MTHFSD: variants seen among roughly 807,000 people sequenced by gnomAD.
MTHFSD encodes methenyltetrahydrofolate synthetase domain containing.
A neutral mutation model predicts 31.1 loss-of-function variants in MTHFSD; 37 were observed. The observed-to-expected ratio is 1.19, with a 90% CI of 0.91 to 1.56. MTHFSD has a LOEUF of 1.56. MTHFSD is among the 40% of genes most tolerant of loss of function. The probability of loss-of-function intolerance (pLI) is 0.00; values close to 1 mark genes in which losing one functional copy is unlikely to be tolerated. For missense variants in MTHFSD, 664 were observed against 510.1 expected (o/e 1.30, Z -2.91); for synonymous variants, 221 against 206.9 (o/e 1.07, Z -0.59).
rs149786522 is a variant in MTHFSD, at chr16:86,546,789, C to T, written c.352-140G>A. The T allele has an allele frequency of 7.8e-4, 547 of 703,574 alleles. 4 individuals are homozygous for T. The highest frequency in any genetic ancestry group is 5.4e-3 in the East Asian group (198 of 36,370). The allele number at this position is 703,574 out of a possible 1,614,324, so 43.6% of individuals were successfully genotyped here. A position where few individuals can be genotyped will look rare whatever the true frequency, so the allele number is the denominator to read the frequency against. The stretch of plus-strand genomic sequence containing the variant: ...GGCACACGCAACACCGGAGATGTGG[C>T]GTTTCAGGAGAAGCCGCATTCCAGA... On this transcript the variant is annotated intron_variant, in intron 4 of 7. Coordinates refer to ENST00000360900, the MANE Select transcript of MTHFSD (RefSeq NM_001159377.2).
intron 3 of MTHFSD, among the ~76,000 whole-genome samples, chr16:86,550,599 G>C (rs77406162): frequency 3.9e-5 from 6 of 152,216 alleles, no homozygotes; most frequent in Non-Finnish European, 8.8e-5. Flanking sequence ...TCACAGAGGA[G>C]CAGAGATGGC....
intron 4 of MTHFSD, among the ~76,000 whole-genome samples, chr16:86,547,810 A>T (rs1972550264): frequency 6.6e-6 from 1 of 152,236 alleles, no homozygotes; most frequent in South Asian, 2.1e-4. Context: ...CCCATAAAAA[A>T]GCGTATCTTC....
intron 3 of MTHFSD, among the ~76,000 whole-genome samples, chr16:86,550,302 T>C (rs968940030): frequency 7.2e-5 from 11 of 152,272 alleles, no homozygotes; most frequent in Non-Finnish European, 1.0e-4. Flanking sequence ...GCCTGGGAGA[T>C]AGCTCAGTTA....
At chr16:86,536,701 A>C (rs1970734864) in intron 7 of MTHFSD, among the ~76,000 whole-genome samples, 1 of 152,248 alleles carries the variant, frequency 6.6e-6, no homozygotes, top group Non-Finnish European at 1.5e-5. Flanking sequence ...TGATCACCTT[A>C]AAACTGACGC....
Position 86,532,467 on chromosome 16 carries a change from C to T in MTHFSD, c.696G>A (p.Met232Ile). The change falls in exon 8 of 8, where the codon ATG becomes ATA. Residue 232 changes from methionine (M) to isoleucine (I), a missense_variant. Physicochemically the swap from Met to Ile is conservative, Grantham distance 10. Transcript: ENST00000360900. ...GITWFKISLEMMEKIPILRSL... is the reference protein window; with the variant it reads ...GITWFKISLEIMEKIPILRSL... Reference sequence around the variant, plus strand: ...TCCTCAGTATGGGGATTTTCTCCATCATCTCCAGGCTGATCTGAAAAGCAA... The same window carrying T: ...TCCTCAGTATGGGGATTTTCTCCATTATCTCCAGGCTGATCTGAAAAGCAA... The T allele has an allele frequency of 7.0e-7, 1 of 1,421,186 alleles. No homozygotes were observed. The highest frequency in any genetic ancestry group is 1.5e-5 in the African/African-American group (1 of 68,554). The allele number at this position is 1,421,186 out of a possible 1,614,324, so 88.0% of individuals were successfully genotyped here. A position where few individuals can be genotyped will look rare whatever the true frequency, so the allele number is the denominator to read the frequency against.
intron 2 of MTHFSD, 174 bp from the exon 3 acceptor site, chr16:86,552,320 GA>G (rs1567557382): frequency 6.5e-7 from 1 of 1,529,206 alleles, no homozygotes; most frequent in Non-Finnish European, 8.8e-7. Flanking sequence ...GCACGTTACT[GA>G]AAGGACAGCA....
intron 4 of MTHFSD, among the ~76,000 whole-genome samples, 175 bp downstream of exon 4, chr16:86,548,289 A>T (rs1293873381): frequency 3.3e-5 from 5 of 152,252 alleles, no homozygotes; most frequent in African/African-American, 1.2e-4. Flanking sequence ...CTGTTTACTC[A>T]GTTTTCCCAC....
At chr16:86,548,687 T>C (rs1282966124) in intron 3 of MTHFSD, 110 bp from the exon 4 acceptor site, 1 of 798,522 alleles carries the variant, frequency 1.3e-6, no homozygotes, top group East Asian at 2.8e-5. Flanking sequence ...ATTATCCGCA[T>C]GGTTTTTTTT....
rs770581798 is a variant in MTHFSD, at chr16:86,532,321, T to C, written c.842A>G (p.Asp281Gly). ...VPLSVGRRPPDTPGPETNSME... is the reference protein window; with the variant it reads ...VPLSVGRRPPGTPGPETNSME... Reference sequence around the variant, plus strand: ...GGAATTGGTTTCTGGTCCGGGTGTGTCCGGGGGCCTCCTGCCAACACTCAG... The same window carrying C: ...GGAATTGGTTTCTGGTCCGGGTGTGCCCGGGGGCCTCCTGCCAACACTCAG... Residue 281 changes from aspartate to glycine, a missense_variant, in exon 8 of 8, where the codon GAC becomes GGC. Coordinates refer to ENST00000360900, the MANE Select transcript of MTHFSD (RefSeq NM_001159377.2). The C allele has an allele frequency of 2.8e-5, 45 of 1,594,440 alleles. No individual in the cohort carries two copies. The Middle Eastern group carries it at 6.6e-4, about 24-fold the overall frequency.
intron 1 of MTHFSD, 163 bp from the exon 2 acceptor site, chr16:86,554,914 C>T (rs2143972512): frequency 6.4e-6 from 7 of 1,092,714 alleles, no homozygotes; most frequent in East Asian, 2.6e-5. Flanking sequence ...ACGGGCTCCC[C>T]CACGTGCACG....
chr16:86,546,284 CAG>C lies in MTHFSD; in HGVS notation c.442+273_442+274del, dbSNP rs371759374. Among the ~76,000 whole-genome samples, 195 of 152,368 alleles carry C rather than the reference CAG, an allele frequency of 1.3e-3. 1 individual carries two copies. The highest frequency in any genetic ancestry group is 4.4e-3 in the African/African-American group (181 of 41,586). On this transcript the variant is annotated intron_variant, in intron 5 of 7. Coordinates refer to ENST00000360900, the MANE Select transcript of MTHFSD (RefSeq NM_001159377.2). The stretch of plus-strand genomic sequence containing the variant: ...AATTAAGCTCCAGCTCACTCAAGAA[CAG>C]AGAGAAAACCTTTCACCACCTGAAC...
At chr16:86,540,143 C>G (rs1375415443) in intron 7 of MTHFSD, among the ~76,000 whole-genome samples, 1 of 152,140 alleles carries the variant, frequency 6.6e-6, no homozygotes, top group Non-Finnish European at 1.5e-5. Flanking sequence ...ACACTGGGAG[C>G]TGTAGAAAGT....
intron 1 of MTHFSD, 152 bp from the exon 2 acceptor site, chr16:86,554,903 C>A: frequency 9.4e-7 from 1 of 1,069,016 alleles, no homozygotes; most frequent in Non-Finnish European, 1.3e-6. Context: ...TCAAGGGGCC[C>A]ACGGGCTCCC....
rs770421478 is a variant in MTHFSD at position 86,552,108 on chromosome 16, G to A, written c.162C>T (p.Asp54=). The change falls in exon 3 of 8, where the codon GAC becomes GAT. Residue 54 remains aspartate, a synonymous_variant. Transcript: ENST00000360900. ...YLACQNIKDL[D]VFARTQEVKV... ...TAACTTCCTGTGTTCTGGCAAAAACGTCTAGGTCTTTGATGTTTTGGCAAG... is the reference window on the plus strand; with the variant it reads ...TAACTTCCTGTGTTCTGGCAAAAACATCTAGGTCTTTGATGTTTTGGCAAG... 40 of 1,614,038 alleles carry A rather than the reference G, an allele frequency of 2.5e-5. No homozygotes were observed. Among genetic ancestry groups the A allele is most frequent in the South Asian group, 1.8e-4 (16 of 91,092 alleles).
intron 7 of MTHFSD, among the ~76,000 whole-genome samples, chr16:86,534,494 AG>A (rs1027219874): frequency 1.3e-5 from 2 of 152,144 alleles, no homozygotes; most frequent in Non-Finnish European, 2.9e-5. Context: ...CACAGATGGG[AG>A]GGGAAGAATG....
At chr16:86,554,532 A>G in intron 2 of MTHFSD, 113 bp downstream of exon 2, 1 of 847,042 alleles carries the variant, frequency 1.2e-6, no homozygotes, top group African/African-American at 1.7e-5. Flanking sequence ...ACCACTGCTC[A>G]CTGCTCGCCA....
chr16:86,531,998 G>T lies in MTHFSD; in HGVS notation c.*13C>A. The T allele has an allele frequency of 6.9e-7, 1 of 1,447,896 alleles. No homozygotes were observed. The highest frequency in any genetic ancestry group is 9.0e-7 in the Non-Finnish European group (1 of 1,105,020). The allele number at this position is 1,447,896 out of a possible 1,614,324, so 89.7% of individuals were successfully genotyped here. ...TGGCGAGTCTGCAGTGAGCTCCGTG[G>T]CTGTCCACGAGGTCACTTGTCCCTC... On this transcript the variant is annotated 3_prime_UTR_variant, in exon 8 of 8. Transcript: ENST00000360900. This position sits in a 1 kb window ranked among gnomAD's most constrained non-coding sequence, Gnocchi z 5.5.
chr16:86,554,929 G>T (rs1973862278), intron 1 of MTHFSD, 178 bp from the exon 2 acceptor site: 2 of 1,142,746 alleles, frequency 1.8e-6, no homozygotes, highest in Non-Finnish European at 2.4e-6. Context: ...TGCACGGCAG[G>T]TGTCCCTCCC....
intron 7 of MTHFSD, among the ~76,000 whole-genome samples, chr16:86,538,275 G>A (rs765483691): frequency 7.4e-4 from 112 of 152,164 alleles, no homozygotes; most frequent in Non-Finnish European, 2.8e-4. Context: ...ATGGTGTGGT[G>A]GGTCTCCACG....
Sources: gnomAD v4.1 joint callset for allele counts (sites outside exome capture counted in the v4.1 genomes callset) on GRCh38, gnomAD v4.1.1 for gene constraint, Gnocchi (gnomAD v3.1) non-coding constraint, MANE v1.5 for transcripts, NCBI Gene and HGNC (gene_info 2026-07-23, HGNC 2026-07-21) for gene names.